The following ARRB1 variants were observed in gnomAD, a reference collection of about 807,000 sequenced individuals.
ARRB1 encodes beta-arrestin-1.
Under a neutral mutation model 56.8 loss-of-function variants are expected in ARRB1, and 21 were observed. That is an observed-to-expected ratio of 0.37 (90% CI 0.26 to 0.53). ARRB1 has a LOEUF of 0.53. Among genes scored for constraint, ARRB1 ranks in the 20% least tolerant of loss-of-function variants. The pLI is 0.88. For missense variants in ARRB1, 424 were observed against 553.7 expected (o/e 0.77, Z 2.35); for synonymous variants, 210 against 218.6 (o/e 0.96, Z 0.35).
At chr11:75,285,729 G>A (rs769289465) in intron 3 of ARRB1, among the ~76,000 whole-genome samples, 19 of 152,156 alleles carry the variant, frequency 1.2e-4, no homozygotes, top group Non-Finnish European at 1.5e-4. Flanking sequence ...CACAAAGGGG[G>A]TGCTCTGTGA....
intron 1 of ARRB1, among the ~76,000 whole-genome samples, chr11:75,346,264 A>T (rs543986270): frequency 6.6e-6 from 1 of 152,196 alleles, no homozygotes; most frequent in East Asian, 1.9e-4. Context: ...CTGAGTCAGA[A>T]GCCCCTCCTT....
chr11:75,296,656 A>G (rs547893446), intron 1 of ARRB1, among the ~76,000 whole-genome samples: 1 of 152,262 alleles, frequency 6.6e-6, no homozygotes, highest in South Asian at 2.1e-4. Context: ...CTAATTCTAT[A>G]TGATCAGCTA....
chr11:75,317,764 AC>A (rs1203145192), intron 1 of ARRB1, among the ~76,000 whole-genome samples: 1 of 151,980 alleles, frequency 6.6e-6, no homozygotes, highest in Non-Finnish European at 1.5e-5. Context: ...ATCACACTTA[AC>A]CCCCATCAGT....
chr11:75,346,901 G>C (rs1262128511), intron 1 of ARRB1, among the ~76,000 whole-genome samples: 2 of 152,154 alleles, frequency 1.3e-5, no homozygotes, highest in Admixed American at 1.3e-4. Context: ...ACTACGTCCA[G>C]CCTATAACAG....
rs1396841906 is a variant in ARRB1 at position 75,295,125 on chromosome 11, G to T, written c.21-5086C>A. Among the ~76,000 whole-genome samples the T allele has an allele frequency of 6.0e-5, 9 of 148,808 alleles. No homozygotes were observed. In the Admixed American group the frequency reaches 6.1e-4, roughly 10 times the overall value. On this transcript the variant is annotated intron_variant, in intron 1 of 15. Coordinates refer to ENST00000420843, the MANE Select transcript of ARRB1 (RefSeq NM_004041.5). Reference sequence around the variant, plus strand: ...GTAGTACCAGCTACTCGAACGCTGAGATGGGAGGATCACTTGAACCTAGGA... The same window carrying T: ...GTAGTACCAGCTACTCGAACGCTGATATGGGAGGATCACTTGAACCTAGGA...
At chr11:75,313,685 A>G (rs1259185170) in intron 1 of ARRB1, among the ~76,000 whole-genome samples, 2 of 151,766 alleles carry the variant, frequency 1.3e-5, no homozygotes, top group Admixed American at 1.3e-4. Flanking sequence ...AACTGAGATG[A>G]AATGAAATCC....
chr11:75,267,963 T>C (rs887612386), intron 14 of ARRB1, among the ~76,000 whole-genome samples: 1 of 152,210 alleles, frequency 6.6e-6, no homozygotes, highest in Admixed American at 6.5e-5. Flanking sequence ...AACTTCTGTT[T>C]CTTTTGACAG....
At chr11:75,287,481 C>G in intron 2 of ARRB1, 106 bp from the exon 3 acceptor site, 1 of 1,105,544 alleles carries the variant, frequency 9.0e-7, no homozygotes, top group East Asian at 2.7e-5. Flanking sequence ...CCAGACCCAT[C>G]CCTAACCCTT....
At chr11:75,313,627 G>A (rs1411827514) in intron 1 of ARRB1, among the ~76,000 whole-genome samples, 1 of 152,220 alleles carries the variant, frequency 6.6e-6, no homozygotes, top group Non-Finnish European at 1.5e-5. Context: ...ACACAGGAAG[G>A]GCCCTGGCTG....
intron 1 of ARRB1, among the ~76,000 whole-genome samples, chr11:75,321,696 A>G (rs1947351950): frequency 6.6e-6 from 1 of 152,194 alleles, no homozygotes; most frequent in Non-Finnish European, 1.5e-5. Flanking sequence ...ATGGGATGAT[A>G]GCAGTGCCCA....
chr11:75,282,293 T>C (rs1946364325), intron 5 of ARRB1, among the ~76,000 whole-genome samples: 2 of 152,200 alleles, frequency 1.3e-5, no homozygotes, highest in Admixed American at 6.6e-5. Context: ...CAGAATAATG[T>C]TCCCCAAAGA....
intron 1 of ARRB1, among the ~76,000 whole-genome samples, chr11:75,317,767 C>T (rs1591970189): frequency 6.6e-6 from 1 of 152,206 alleles, no homozygotes; most frequent in Non-Finnish European, 1.5e-5. Context: ...ACACTTAACC[C>T]CCATCAGTGC....
chr11:75,292,150 A>ATG (rs1248554240), intron 1 of ARRB1, among the ~76,000 whole-genome samples: 1 of 63,140 alleles, frequency 1.6e-5, no homozygotes, highest in Non-Finnish European at 3.6e-5. Flanking sequence ...ATTTATTTAT[A>ATG]TTTTTTTGAG....
chr11:75,345,204 C>G (rs771361912), intron 1 of ARRB1, among the ~76,000 whole-genome samples: 37 of 152,208 alleles, frequency 2.4e-4, no homozygotes, highest in Non-Finnish European at 4.9e-4. Flanking sequence ...GGCACCAGGT[C>G]TCCTGGGAAG....
Position 75,263,387 on chromosome 11 carries a change from G to T in ARRB1, c.*2776C>A, listed in dbSNP as rs769597149. ...TCCCTCGAGGCTGCAGCGTATGGCC[G>T]TGCAGCAGGGCACCTCTGGCCAAGG... On this transcript the variant is annotated 3_prime_UTR_variant, in exon 16 of 16. Transcript: ENST00000420843. 6.6e-6 allele frequency among the ~76,000 whole-genome samples: 1 copy of T among 152,242 alleles called. No homozygotes were observed. Among genetic ancestry groups the T allele is most frequent in the Non-Finnish European group, 1.5e-5 (1 of 68,044 alleles).
intron 10 of ARRB1, among the ~76,000 whole-genome samples, chr11:75,276,289 T>C (rs1946199801): frequency 6.6e-6 from 1 of 152,226 alleles, no homozygotes; most frequent in African/African-American, 2.4e-5. Context: ...ACTTCAGATC[T>C]CTCCACTTGC....
At chr11:75,309,524 G>A (rs574101247) in intron 1 of ARRB1, among the ~76,000 whole-genome samples, 30 of 152,340 alleles carry the variant, frequency 2.0e-4, no homozygotes, top group Non-Finnish European at 3.8e-4. Flanking sequence ...TGTGAATGGT[G>A]AGAATACTAA....
intron 1 of ARRB1, among the ~76,000 whole-genome samples, chr11:75,347,336 C>T (rs557713683): frequency 1.3e-5 from 2 of 152,330 alleles, no homozygotes; most frequent in East Asian, 3.9e-4. Context: ...TCACACAGGG[C>T]TTAACCACCA....
chr11:75,274,264 G>T, intron 10 of ARRB1, 53 bp from the exon 11 acceptor site: 1 of 1,600,356 alleles, frequency 6.2e-7, no homozygotes, highest in Non-Finnish European at 8.5e-7. Flanking sequence ...GCCAACCCCA[G>T]CCCTGATCTC....
Sources: gnomAD v4.1 joint callset for allele counts (sites outside exome capture counted in the v4.1 genomes callset) on GRCh38, gnomAD v4.1.1 for gene constraint, MANE v1.5 for transcripts, NCBI Gene and HGNC (gene_info 2026-07-23, HGNC 2026-07-21) for gene names.